The following LRRC8D variants were observed in gnomAD, a reference collection of about 807,000 sequenced individuals.
LRRC8D encodes leucine rich repeat containing 8 VRAC subunit D, also known as volume-regulated anion channel subunit LRRC8D.
Under a neutral mutation model 55.8 loss-of-function variants are expected in LRRC8D, and 20 were observed. That is an observed-to-expected ratio of 0.36 (90% CI 0.25 to 0.52). The LOEUF (loss-of-function observed/expected upper bound fraction) is 0.52. Among genes scored for constraint, LRRC8D ranks in the 20% least tolerant of loss-of-function variants. The pLI is 0.93. For missense variants in LRRC8D, 651 were observed against 1,030.8 expected (o/e 0.63, Z 5.05); for synonymous variants, 352 against 377.0 (o/e 0.93, Z 0.77).
At chr1:89,893,235 A>G (rs1662623403) in intron 2 of LRRC8D, among the ~76,000 whole-genome samples, 1 of 152,210 alleles carries the variant, frequency 6.6e-6, no homozygotes, top group Non-Finnish European at 1.5e-5. Flanking sequence ...AACAATGAGA[A>G]GATCTGGGGA....
chr1:89,897,317 T>C (rs1024161319), intron 2 of LRRC8D, among the ~76,000 whole-genome samples: 18 of 152,242 alleles, frequency 1.2e-4, no homozygotes, highest in Non-Finnish European at 4.4e-5. Flanking sequence ...AGGTTGAGTA[T>C]TAAGGGAACA....
chr1:89,935,885 T>C lies in LRRC8D; in HGVS notation c.*240T>C. Reference sequence around the variant, plus strand: ...TTTGGGGAAAGGGAAGGAAAAATTATAATCACTAATCTTGGTTCTTTTTAA... The same window carrying C: ...TTTGGGGAAAGGGAAGGAAAAATTACAATCACTAATCTTGGTTCTTTTTAA... On this transcript the variant is annotated 3_prime_UTR_variant, in exon 3 of 3. Transcript: ENST00000337338. The C allele has an allele frequency of 5.2e-6, 2 of 387,902 alleles. No individual in the cohort carries two copies. The highest frequency in any genetic ancestry group is 4.5e-5 in the East Asian group (1 of 22,462). The allele number at this position is 387,902 out of a possible 1,614,324, so 24.0% of individuals were successfully genotyped here.
At chr1:89,822,345 G>A (rs567960946) in intron 1 of LRRC8D, among the ~76,000 whole-genome samples, 1 of 152,270 alleles carries the variant, frequency 6.6e-6, no homozygotes, top group African/African-American at 2.4e-5. Context: ...TGGGGAATAG[G>A]TACTGGGGAG....
intron 1 of LRRC8D, among the ~76,000 whole-genome samples, chr1:89,836,315 T>C (rs537360283): frequency 1.2e-4 from 19 of 152,208 alleles, no homozygotes; most frequent in Non-Finnish European, 2.5e-4. Context: ...TTAAAGAAAT[T>C]AGAAATTATA....
chr1:89,827,223 G>A (rs1030295266), intron 1 of LRRC8D, among the ~76,000 whole-genome samples: 2 of 151,870 alleles, frequency 1.3e-5, no homozygotes, highest in African/African-American at 4.8e-5. Context: ...TGGTGGTGGT[G>A]CCTGTAATCC....
intron 2 of LRRC8D, among the ~76,000 whole-genome samples, chr1:89,899,734 G>A (rs1282027330): frequency 6.6e-6 from 1 of 152,246 alleles, no homozygotes; most frequent in East Asian, 1.9e-4. Flanking sequence ...ATGGTTAAAT[G>A]ATTATAATGT....
intron 1 of LRRC8D, among the ~76,000 whole-genome samples, chr1:89,834,032 C>T (rs1035333732): frequency 4.6e-5 from 7 of 152,142 alleles, no homozygotes; most frequent in African/African-American, 1.7e-4. Flanking sequence ...TAGTTCAAAG[C>T]AAACAGCCAA....
At chr1:89,843,601 C>G in intron 1 of LRRC8D, 37 bp from the exon 2 acceptor site, 1 of 692,474 alleles carries the variant, frequency 1.4e-6, no homozygotes. Flanking sequence ...ACACTTGGAT[C>G]TCTCTAGCTC....
intron 2 of LRRC8D, among the ~76,000 whole-genome samples, chr1:89,853,909 C>T (rs1053703931): frequency 6.6e-6 from 1 of 151,796 alleles, no homozygotes; most frequent in Non-Finnish European, 1.5e-5. Context: ...TACACGTTTG[C>T]GAGGAGTTGT....
In LRRC8D at chr1:89,933,415, C is replaced by G; in HGVS notation, c.347C>G (p.Pro116Arg). The change falls in exon 3 of 3, where the codon CCT (proline) becomes CGT (arginine). Residue 116 changes from proline (P) to arginine (R), a missense_variant. Physicochemically the swap from Pro to Arg is moderately radical, Grantham distance 103. Coordinates refer to ENST00000337338, the MANE Select transcript of LRRC8D (RefSeq NM_001134479.2). This position sits in a 1 kb window ranked among gnomAD's most constrained non-coding sequence, Gnocchi z 7.0. ...TPDIPLRATY[P>R]RTDFALPNQE... Reference sequence around the variant, plus strand: ...GACATACCTCTCAGAGCCACATATCCTCGCACAGATTTCGCACTTCCAAAT... The same window carrying G: ...GACATACCTCTCAGAGCCACATATCGTCGCACAGATTTCGCACTTCCAAAT... 1 of 1,614,094 alleles carries G rather than the reference C, an allele frequency of 6.2e-7. No homozygotes were observed. The highest frequency in any genetic ancestry group is 8.5e-7 in the Non-Finnish European group (1 of 1,180,030).
At chr1:89,856,484 G>A (rs948175229) in intron 2 of LRRC8D, among the ~76,000 whole-genome samples, 5 of 152,198 alleles carry the variant, frequency 3.3e-5, no homozygotes, top group Non-Finnish European at 5.9e-5. Flanking sequence ...AGCAAGATGA[G>A]GGAGCAGTAT....
intron 2 of LRRC8D, among the ~76,000 whole-genome samples, chr1:89,866,903 A>G (rs1661865543): frequency 6.6e-6 from 1 of 152,202 alleles, no homozygotes; most frequent in Non-Finnish European, 1.5e-5. Context: ...TTAACATTAA[A>G]AGGAAAAATC....
intron 2 of LRRC8D, among the ~76,000 whole-genome samples, chr1:89,874,264 A>T (rs1662094330): frequency 6.6e-6 from 1 of 152,164 alleles, no homozygotes. Context: ...CTAAATTCGG[A>T]GGCAGAGGAC....
intron 2 of LRRC8D, among the ~76,000 whole-genome samples, chr1:89,913,336 C>T (rs1336206211): frequency 6.6e-6 from 1 of 152,108 alleles, no homozygotes; most frequent in Non-Finnish European, 1.5e-5. Context: ...TGGGGGCACA[C>T]TTAGTAGTTA....
chr1:89,824,636 T>C (rs1660721800), intron 1 of LRRC8D, among the ~76,000 whole-genome samples: 1 of 152,192 alleles, frequency 6.6e-6, no homozygotes, highest in Non-Finnish European at 1.5e-5. Context: ...TGGAGCTGCC[T>C]ACTCTCTTTG....
At chr1:89,927,804 CT>C (rs1467140940) in intron 2 of LRRC8D, among the ~76,000 whole-genome samples, 1 of 152,160 alleles carries the variant, frequency 6.6e-6, no homozygotes, top group Non-Finnish European at 1.5e-5. Context: ...TTAAACTAAA[CT>C]TTTGTACATT....
chr1:89,857,828 C>T (rs149324313), intron 2 of LRRC8D, among the ~76,000 whole-genome samples: 1 of 152,298 alleles, frequency 6.6e-6, no homozygotes, highest in African/African-American at 2.4e-5. Context: ...AACCAGGCCC[C>T]ACTATTTCTG....
intron 1 of LRRC8D, among the ~76,000 whole-genome samples, chr1:89,841,872 A>G (rs567341277): frequency 6.6e-6 from 1 of 152,286 alleles, no homozygotes; most frequent in East Asian, 1.9e-4. Flanking sequence ...TCAGAGATGA[A>G]GGGATGGATC....
Position 89,911,087 on chromosome 1 carries a change from G to C in LRRC8D, c.-2-21980G>C, listed in dbSNP as rs1663123864. On this transcript the variant is annotated intron_variant, in intron 2 of 2. Coordinates refer to ENST00000337338, the MANE Select transcript of LRRC8D (RefSeq NM_001134479.2). The surrounding 1 kb of genome is among the most constrained non-coding windows in gnomAD (Gnocchi z 4.0). The stretch of plus-strand genomic sequence containing the variant: ...GTTCTCTGAATGCTTGACCTTCCCA[G>C]GGAGTTTCAGCGGGTGAGAAAGCCT... 6.6e-6 allele frequency among the ~76,000 whole-genome samples: 1 copy of C among 151,984 alleles called. No homozygotes were observed.
Sources: allele counts gnomAD v4.1 joint callset (sites outside exome capture counted in the v4.1 genomes callset), GRCh38; gene constraint gnomAD v4.1.1; non-coding constraint Gnocchi (gnomAD v3.1); transcripts MANE v1.5; gene names NCBI Gene and HGNC (gene_info 2026-07-23, HGNC 2026-07-21).